The following AP1B1 variants were observed in gnomAD, a reference collection of about 807,000 sequenced individuals.
The protein encoded by AP1B1 is AP-1 complex subunit beta-1.
Under a neutral mutation model 104.3 loss-of-function variants are expected in AP1B1, and 36 were observed. The ratio of observed to expected loss-of-function variants is 0.35; its 90% CI spans 0.26 to 0.46. The LOEUF (loss-of-function observed/expected upper bound fraction) is 0.46. Ranked by LOEUF, AP1B1 falls within the 20% of genes least tolerant of loss-of-function variation. AP1B1 has a pLI of 1.00. For missense variants in AP1B1, 901 were observed against 1,247.9 expected (o/e 0.72, Z 4.19); for synonymous variants, 504 against 517.5 (o/e 0.97, Z 0.35).
At chr22:29,380,544 G>A (rs2148053886) in intron 1 of AP1B1, among the ~76,000 whole-genome samples, 1 of 152,270 alleles carries the variant, frequency 6.6e-6, no homozygotes, top group Admixed American at 6.5e-5. Flanking sequence ...TCACCCTGCA[G>A]TCTACATCAT....
intron 11 of AP1B1, among the ~76,000 whole-genome samples, chr22:29,347,692 C>G (rs574206276): frequency 6.6e-6 from 1 of 152,172 alleles, no homozygotes; most frequent in Non-Finnish European, 1.5e-5. Context: ...CAGTGAGGTA[C>G]CCCTGTTAGC....
At chr22:29,341,829 A>G in intron 12 of AP1B1, 69 bp from the exon 13 acceptor site, 1 of 1,526,740 alleles carries the variant, frequency 6.5e-7, no homozygotes, top group East Asian at 2.3e-5. Flanking sequence ...ACCTTCCTGC[A>G]GCCATGAGCC....
rs116758139 is a variant in AP1B1 at position 29,382,391 on chromosome 22, C to A, written c.-28+6033G>T. Among the ~76,000 whole-genome samples the A allele has an allele frequency of 6.0e-3, 912 of 152,300 alleles. 8 individuals carry two copies. Among genetic ancestry groups the A allele is most frequent in the African/African-American group, 0.021 (853 of 41,566 alleles). On this transcript the variant is annotated intron_variant, in intron 1 of 22. Transcript: ENST00000357586. The stretch of plus-strand genomic sequence containing the variant: ...AAGGTATTTCTCTGTCCACATCCTT[C>A]AGTGTTCTTATTCATACATTTCCTG...
chr22:29,349,234 T>C lies in AP1B1; in HGVS notation c.1421A>G (p.His474Arg), dbSNP rs1171059431. The change falls in exon 11 of 23, where the codon CAT (histidine) becomes CGT (arginine). Residue 474 changes from histidine to arginine, a missense_variant. Coordinates refer to ENST00000357586, the MANE Select transcript of AP1B1 (RefSeq NM_001127.4). ...ELLESFLEGF[H>R]DESTQVQLQL... ...CTGGCTCACCTGTGTGCTCTCGTCA[T>C]GGAAGCCCTCGAGGAAGCTCTCCAG... 15 of 1,613,224 alleles carry C rather than the reference T, an allele frequency of 9.3e-6. No homozygotes were observed. The highest frequency in any genetic ancestry group is 5.3e-5 in the African/African-American group (4 of 74,954).
intron 1 of AP1B1, among the ~76,000 whole-genome samples, chr22:29,378,521 C>T (rs1360495358): frequency 6.9e-6 from 1 of 145,708 alleles, no homozygotes; most frequent in East Asian, 2.0e-4. Flanking sequence ...ACACTGCACT[C>T]CAGCCTGGGC....
rs573091561 is a variant in AP1B1 at position 29,339,187 on chromosome 22, G to A, written c.2020-54C>T. ...GGGCGTCAAGAGGCAAAGACATCAG[G>A]GTCTGGGAATGAGTAGAGCCACCTG... On this transcript the variant is annotated intron_variant, in intron 15 of 22. Coordinates refer to ENST00000357586, the MANE Select transcript of AP1B1 (RefSeq NM_001127.4). 2,106 of 1,609,150 alleles carry A rather than the reference G, an allele frequency of 1.3e-3. 3 individuals are homozygous for A. The highest frequency in any genetic ancestry group is 1.5e-3 in the Non-Finnish European group (1,770 of 1,176,552).
Position 29,366,014 on chromosome 22 carries a change from G to A in AP1B1, c.37+1193C>T, listed in dbSNP as rs459740. On this transcript the variant is annotated intron_variant, in intron 2 of 22. Coordinates refer to ENST00000357586, the MANE Select transcript of AP1B1 (RefSeq NM_001127.4). ...TAGACCAATACATGAAATGCCTGAT[G>A]AGGGGCAGACTTCGGGTCCTGGATC... 1.3e-4 allele frequency among the ~76,000 whole-genome samples: 19 copies of A among 151,892 alleles called. No homozygotes were observed. The South Asian group carries it at 2.3e-3, about 18-fold the overall frequency.
At chr22:29,379,043 C>T (rs912313199) in intron 1 of AP1B1, among the ~76,000 whole-genome samples, 6 of 151,736 alleles carry the variant, frequency 4.0e-5, no homozygotes, top group African/African-American at 9.7e-5. Context: ...CCGTAATGTG[C>T]GGAAAGATCT....
chr22:29,355,204 T>C (rs1008540844), intron 6 of AP1B1, among the ~76,000 whole-genome samples: 1 of 151,070 alleles, frequency 6.6e-6, no homozygotes, highest in Non-Finnish European at 1.5e-5. Flanking sequence ...GCCATTGCAC[T>C]CCAGCCTGGG....
chr22:29,353,785 G>A (rs760058796), intron 7 of AP1B1, among the ~76,000 whole-genome samples: 4 of 152,124 alleles, frequency 2.6e-5, no homozygotes, highest in Non-Finnish European at 4.4e-5. Flanking sequence ...TGTAACATAC[G>A]AATGATCAAT....
intron 1 of AP1B1, among the ~76,000 whole-genome samples, chr22:29,383,813 C>T (rs1370428387): frequency 1.3e-5 from 2 of 152,038 alleles, no homozygotes; most frequent in Admixed American, 6.6e-5. Flanking sequence ...ACTAAGGCAT[C>T]CCAGTAACTG....
rs1048562106 is a variant in AP1B1 at position 29,358,768 on chromosome 22, G to A, written c.483C>T (p.Phe161=). The part of the protein sequence containing the change: ...INAQLVEDQG[F]LDTLKDLISD... ...AGATGAGGTCTTTAAGGGTGTCCAG[G>A]AAGCCCTGGTCCTCCACCAGCTGGG... The change falls in exon 5 of 23, where the codon TTC becomes TTT. Residue 161 remains phenylalanine (F), a synonymous_variant. Coordinates refer to ENST00000357586, the MANE Select transcript of AP1B1 (RefSeq NM_001127.4). 1 of 1,614,198 alleles carries A rather than the reference G, an allele frequency of 6.2e-7. No homozygotes were observed. Among genetic ancestry groups the A allele is most frequent in the Non-Finnish European group, 8.5e-7 (1 of 1,180,026 alleles).
intron 5 of AP1B1, among the ~76,000 whole-genome samples, chr22:29,358,073 C>A (rs1368131964): frequency 2.0e-5 from 3 of 152,208 alleles, no homozygotes; most frequent in Non-Finnish European, 4.4e-5. Context: ...CCTGTACTGG[C>A]CGCTCAGTAC....
At position 29,383,506 on chromosome 22, in the gene AP1B1, C is replaced by G. The variant is rs370037626; in HGVS notation, c.-28+4918G>C. Among the ~76,000 whole-genome samples the G allele has an allele frequency of 3.3e-5, 5 of 151,940 alleles. No individual in the cohort carries two copies. In the East Asian group the frequency reaches 7.8e-4, roughly 24 times the overall value. ...TGGGCGGATCACAAGGTCAGGAGAT[C>G]GAGACCATCCTGGCTAACACGGTGA... is the stretch of plus-strand genomic sequence containing the variant. On this transcript the variant is annotated intron_variant, in intron 1 of 22. Coordinates refer to ENST00000357586, the MANE Select transcript of AP1B1 (RefSeq NM_001127.4).
rs1463784355 is a variant in AP1B1 at position 29,340,854 on chromosome 22, A to G, written c.1800T>C (p.Ser600=). 1 of 1,588,806 alleles carries G rather than the reference A, an allele frequency of 6.3e-7. No homozygotes were observed. The highest frequency in any genetic ancestry group is 8.5e-7 in the Non-Finnish European group (1 of 1,169,946). ...CTGTCTCAGGGCTCTCTGCGCTCTC[A>G]CTCCTGCCGGGACACAGAAGTAGGG... ...HKSLPPRTAS[S]ESAESPETAP... Residue 600 remains serine, a synonymous_variant, in exon 14 of 23, where the codon AGT becomes AGC. Coordinates refer to ENST00000357586, the MANE Select transcript of AP1B1 (RefSeq NM_001127.4).
chr22:29,384,193 C>T (rs1451346116), intron 1 of AP1B1, among the ~76,000 whole-genome samples: 1 of 152,166 alleles, frequency 6.6e-6, no homozygotes, highest in Non-Finnish European at 1.5e-5. Context: ...TAGCAGTGCC[C>T]GGCCCACAAA....
intron 11 of AP1B1, among the ~76,000 whole-genome samples, chr22:29,345,313 C>T (rs573356502): frequency 5.3e-4 from 80 of 150,036 alleles, no homozygotes; most frequent in African/African-American, 1.9e-3. Flanking sequence ...CTGCCTCGGC[C>T]TCCCAAAGTG....
chr22:29,351,388 T>A, intron 8 of AP1B1, 122 bp from the exon 9 acceptor site: 1 of 1,169,424 alleles, frequency 8.6e-7, no homozygotes, highest in Non-Finnish European at 1.3e-6. Flanking sequence ...CTGCTCCAGG[T>A]AGAAGGCCCA....
At chr22:29,342,217 C>T (rs2061725596) in intron 12 of AP1B1, 68 bp downstream of exon 12, 1 of 1,367,746 alleles carries the variant, frequency 7.3e-7, no homozygotes, top group Non-Finnish European at 1.0e-6. Flanking sequence ...GGTCTAGTTC[C>T]TGGGACAAAA....
Sources: gnomAD v4.1 joint callset for allele counts (sites outside exome capture counted in the v4.1 genomes callset) on GRCh38, gnomAD v4.1.1 for gene constraint, MANE v1.5 for transcripts, NCBI Gene and HGNC (gene_info 2026-07-23, HGNC 2026-07-21) for gene names.